The following MAST2 variants were observed in gnomAD, a reference collection of about 807,000 sequenced individuals.
The protein encoded by MAST2 is microtubule associated serine/threonine kinase 2.
A neutral mutation model predicts 147.4 loss-of-function variants in MAST2; 70 were observed. The observed-to-expected ratio is 0.47, with a 90% CI of 0.39 to 0.58. The LOEUF is 0.58. Among genes scored for constraint, MAST2 ranks in the 20% least tolerant of loss-of-function variants. The probability of loss-of-function intolerance (pLI) is 0.00; values close to 1 mark genes in which losing one functional copy is unlikely to be tolerated. For missense variants in MAST2, 2,080 were observed against 2,302.3 expected, an observed-to-expected ratio of 0.90 and a Z score of 1.98; for synonymous variants, 869 against 896.8, an observed-to-expected ratio of 0.97 and a Z score of 0.55.
At chr1:45,841,753 A>C (rs939007132) in intron 3 of MAST2, among the ~76,000 whole-genome samples, 2 of 152,218 alleles carry the variant, frequency 1.3e-5, no homozygotes, top group Non-Finnish European at 2.9e-5. Flanking sequence ...TTCATTCAGC[A>C]AAAAGGACTG....
chr1:45,902,027 TA>T (rs1233503608), intron 4 of MAST2, among the ~76,000 whole-genome samples: 1 of 152,036 alleles, frequency 6.6e-6, no homozygotes, highest in Non-Finnish European at 1.5e-5. Flanking sequence ...GGAATAGGAG[TA>T]GTGGGAGTGG....
intron 4 of MAST2, among the ~76,000 whole-genome samples, chr1:45,883,475 A>G (rs1388774512): frequency 6.6e-6 from 1 of 152,212 alleles, no homozygotes; most frequent in Non-Finnish European, 1.5e-5. Flanking sequence ...AGTCTTGACC[A>G]TGCCATTTAA....
rs112514925 is a variant in MAST2 at position 45,856,410 on chromosome 1, T to C, written c.469-25954T>C. On this transcript the variant is annotated intron_variant, in intron 3 of 28. Transcript: ENST00000361297. ...AGGGAAAACCTTTTCAGACAAGGTA[T>C]AGTGTAACTCAGGTTGAAATGACAA... 2.9e-3 allele frequency among the ~76,000 whole-genome samples: 440 copies of C among 152,352 alleles called. 4 individuals are homozygous for C. The highest frequency in any genetic ancestry group is 0.01 in the African/African-American group (422 of 41,590).
At chr1:45,889,751 G>A (rs1369988781) in intron 4 of MAST2, among the ~76,000 whole-genome samples, 1 of 151,680 alleles carries the variant, frequency 6.6e-6, no homozygotes, top group African/African-American at 2.4e-5. Context: ...GACTACAGGT[G>A]CACGCCATGA....
intron 3 of MAST2, among the ~76,000 whole-genome samples, chr1:45,838,576 T>C (rs1396323069): frequency 6.6e-6 from 1 of 152,140 alleles, no homozygotes; most frequent in East Asian, 1.9e-4. Flanking sequence ...AAAACTTTTG[T>C]CTATTTAAAA....
intron 3 of MAST2, among the ~76,000 whole-genome samples, chr1:45,851,910 A>AT (rs1191323770): frequency 2.6e-5 from 4 of 152,128 alleles, no homozygotes; most frequent in Admixed American, 1.3e-4. Flanking sequence ...AGTAACATGC[A>AT]TTTATAGGGA....
intron 1 of MAST2, among the ~76,000 whole-genome samples, chr1:45,811,925 C>T (rs1003787342): frequency 2.0e-5 from 3 of 152,088 alleles, no homozygotes; most frequent in Non-Finnish European, 2.9e-5. Context: ...TGAGCCACTG[C>T]GCCTGGCCTA....
At chr1:45,966,861 CTTTTT>C (rs58072402) in intron 5 of MAST2, among the ~76,000 whole-genome samples, 2 of 111,086 alleles carry the variant, frequency 1.8e-5, no homozygotes, top group African/African-American at 3.5e-5. Flanking sequence ...GGATCTGGGT[CTTTTT>C]TTTTTTTTTT....
At chr1:45,930,057 TA>T (rs1166598811) in intron 4 of MAST2, among the ~76,000 whole-genome samples, 1 of 152,124 alleles carries the variant, frequency 6.6e-6, no homozygotes, top group African/African-American at 2.4e-5. Flanking sequence ...TGTAGCCAAG[TA>T]AAAAGTCATA....
At chr1:45,941,335 C>G (rs12116773) in intron 4 of MAST2, among the ~76,000 whole-genome samples, 3 of 152,160 alleles carry the variant, frequency 2.0e-5, no homozygotes, top group Non-Finnish European at 4.4e-5. Context: ...TCTCGGCTCA[C>G]TGCAGCCTCC....
At chr1:45,946,478 T>C (rs1388033865) in intron 4 of MAST2, among the ~76,000 whole-genome samples, 1 of 152,220 alleles carries the variant, frequency 6.6e-6, no homozygotes, top group East Asian at 1.9e-4. Flanking sequence ...CCTTGATTCC[T>C]TCCAAGTGTT....
Position 46,031,415 on chromosome 1 carries a change from C to A in MAST2, c.3017C>A (p.Thr1006Asn), listed in dbSNP as rs765102208. The change falls in exon 24 of 29, where the codon ACC (threonine) becomes AAC (asparagine). Residue 1006 changes from threonine (T) to asparagine (N), a missense_variant. Thr to Asn is a moderately conservative substitution (Grantham distance 65). Coordinates refer to ENST00000361297, the MANE Select transcript of MAST2 (RefSeq NM_015112.3). This position sits in a 1 kb window ranked among gnomAD's most constrained non-coding sequence, Gnocchi z 4.1. The part of the protein sequence containing the change: ...SPAMETRGRG[T>N]SQLAEGATAK... The stretch of plus-strand genomic sequence containing the variant: ...GCTATGGAGACCCGAGGCCGTGGGA[C>A]CTCACAGCTGGCTGAGGGAGCCACA... 2 of 1,613,640 alleles carry A rather than the reference C, an allele frequency of 1.2e-6. No homozygotes were observed. Among genetic ancestry groups the A allele is most frequent in the Non-Finnish European group, 1.7e-6 (2 of 1,179,724 alleles).
At chr1:45,825,427 C>T (rs970632019) in intron 2 of MAST2, among the ~76,000 whole-genome samples, 1 of 151,184 alleles carries the variant, frequency 6.6e-6, no homozygotes, top group African/African-American at 2.4e-5. Flanking sequence ...TAAAAGGATG[C>T]GATTATCTTC....
intron 4 of MAST2, among the ~76,000 whole-genome samples, chr1:45,909,217 A>G (rs1170252847): frequency 6.6e-6 from 1 of 152,096 alleles, no homozygotes; most frequent in Non-Finnish European, 1.5e-5. Context: ...AATCTATAGA[A>G]CTGAATAATA....
intron 1 of MAST2, among the ~76,000 whole-genome samples, chr1:45,820,196 A>G (rs1644579010): frequency 6.6e-6 from 1 of 152,238 alleles, no homozygotes; most frequent in Non-Finnish European, 1.5e-5. Flanking sequence ...CCCATATACA[A>G]AAATCAAAAA....
intron 3 of MAST2, among the ~76,000 whole-genome samples, chr1:45,863,233 C>T (rs1646037323): frequency 6.6e-6 from 1 of 152,186 alleles, no homozygotes; most frequent in African/African-American, 2.4e-5. Context: ...TTCCTCTCTG[C>T]TGATACATAT....
chr1:45,890,476 A>G (rs10890363), intron 4 of MAST2, among the ~76,000 whole-genome samples: 67,602 of 151,950 alleles, frequency 0.44, 15,238 homozygotes, highest in East Asian at 0.62. Context: ...CAGCCTGAGG[A>G]TAGGGGCATA....
Position 45,824,582 on chromosome 1 carries a change from T to G in MAST2, c.325+2T>G, listed in dbSNP as rs1278687929. On this transcript the variant is annotated splice_donor_variant, in intron 2 of 28. Transcript: ENST00000361297. LOFTEE classifies it high-confidence loss of function. ...GAAACCTGGCCAGCTCTCTATCGGGTAAATATCTGATTTTGTTGTTTTAAG... is the reference window on the plus strand; with the variant it reads ...GAAACCTGGCCAGCTCTCTATCGGGGAAATATCTGATTTTGTTGTTTTAAG... The G allele has an allele frequency of 6.3e-7, 1 of 1,578,876 alleles. No homozygotes were observed. The highest frequency in any genetic ancestry group is 1.8e-5 in the Admixed American group (1 of 55,786).
intron 3 of MAST2, among the ~76,000 whole-genome samples, chr1:45,853,540 G>C (rs1645690146): frequency 6.6e-6 from 1 of 151,784 alleles, no homozygotes; most frequent in African/African-American, 2.4e-5. Context: ...TTTTAGTAGA[G>C]ACAGGTTTTT....
Sources: gnomAD v4.1 joint callset for allele counts (sites outside exome capture counted in the v4.1 genomes callset) on GRCh38, gnomAD v4.1.1 for gene constraint, Gnocchi (gnomAD v3.1) non-coding constraint, MANE v1.5 for transcripts, NCBI Gene and HGNC (gene_info 2026-07-23, HGNC 2026-07-21) for gene names.